ARMH3: variants seen among roughly 807,000 people sequenced by gnomAD.
ARMH3 encodes the protein armadillo-like helical domain-containing protein 3.
A neutral mutation model predicts 99.1 loss-of-function variants in ARMH3; 60 were observed. The observed-to-expected ratio is 0.61, with a 90% CI of 0.49 to 0.75. The LOEUF (loss-of-function observed/expected upper bound fraction) is 0.75, where lower values mean the gene tolerates loss of function less well. Among genes scored for constraint, ARMH3 ranks in the 30% least tolerant of loss-of-function variants. The pLI is 0.00. For synonymous variants in ARMH3, 285 were observed against 292.8 expected, an observed-to-expected ratio of 0.97 and a Z score of 0.27; for missense variants, 679 against 843.1, an observed-to-expected ratio of 0.81 and a Z score of 2.41.
chr10:102,024,264 C>A (rs1278196955), intron 6 of ARMH3, among the ~76,000 whole-genome samples: 1 of 151,894 alleles, frequency 6.6e-6, no homozygotes, highest in Non-Finnish European at 1.5e-5. Context: ...ACCTGGCCAA[C>A]ATGGTGAAAC....
rs767054746 is a variant in ARMH3 at position 102,033,038 on chromosome 10, G to A, written c.294C>T (p.Val98=). 6.2e-7 allele frequency: 1 copy of A among 1,614,050 alleles called. No homozygotes were observed. The highest frequency in any genetic ancestry group is 1.7e-5 in the Admixed American group (1 of 60,006). Residue 98 remains valine (V), a synonymous_variant, in exon 4 of 26, where the codon GTC becomes GTT. Coordinates refer to ENST00000370033, the MANE Select transcript of ARMH3 (RefSeq NM_024541.3). ...CCCAGCCTTGTACCTGCAATGCATT[G>A]ACAACCCGAATTGGATGCTCCTCTC... ...ALGEEHPIRV[V]NALQTLCALI... is the part of the protein sequence containing the mutation.
At chr10:102,009,840 C>A (rs1275864766) in intron 12 of ARMH3, 137 bp downstream of exon 12, 2 of 876,098 alleles carry the variant, frequency 2.3e-6, no homozygotes, top group East Asian at 2.5e-5. Context: ...TGTTCAAAAC[C>A]CATGAAACAT....
At chr10:102,029,865 G>T in intron 4 of ARMH3, 120 bp from the exon 5 acceptor site, 2 of 1,016,432 alleles carry the variant, frequency 2.0e-6, no homozygotes, top group Non-Finnish European at 1.4e-6. Flanking sequence ...TGAGTTCTGA[G>T]CTCCAAAACA....
intron 23 of ARMH3, among the ~76,000 whole-genome samples, chr10:101,936,337 C>G (rs780173059): frequency 7.9e-5 from 12 of 151,190 alleles, no homozygotes; most frequent in Non-Finnish European, 1.2e-4. Flanking sequence ...ACTAAAAATA[C>G]AAAAATTAGC....
intron 24 of ARMH3, among the ~76,000 whole-genome samples, chr10:101,862,161 A>G (rs1048313057): frequency 6.6e-5 from 10 of 152,188 alleles, no homozygotes; most frequent in African/African-American, 2.2e-4. Context: ...ATGGGTAAAC[A>G]GAAATTATTT....
chr10:101,951,169 T>C (rs951786330), intron 22 of ARMH3, among the ~76,000 whole-genome samples: 19 of 152,188 alleles, frequency 1.2e-4, no homozygotes, highest in African/African-American at 4.6e-4. Flanking sequence ...AATAAATAGA[T>C]ATATTTTGTC....
At chr10:101,859,136 C>T (rs568735776) in intron 24 of ARMH3, among the ~76,000 whole-genome samples, 8 of 152,320 alleles carry the variant, frequency 5.3e-5, no homozygotes, top group African/African-American at 1.7e-4. Context: ...GAAGGTTGAG[C>T]CAGTAACACT....
At chr10:102,021,720 G>C (rs1466827403) in intron 8 of ARMH3, among the ~76,000 whole-genome samples, 1 of 151,926 alleles carries the variant, frequency 6.6e-6, no homozygotes, top group African/African-American at 2.4e-5. Flanking sequence ...GCTAATTTTT[G>C]TATTTTTAGT....
intron 4 of ARMH3, 153 bp downstream of exon 4, chr10:102,032,873 C>T (rs1006261607): frequency 2.2e-5 from 17 of 788,386 alleles, no homozygotes; most frequent in African/African-American, 7.0e-5. Context: ...AGAAAGATGG[C>T]TAAACAAACG....
At chr10:101,954,802 C>T (rs930560527) in intron 22 of ARMH3, among the ~76,000 whole-genome samples, 1 of 152,058 alleles carries the variant, frequency 6.6e-6, no homozygotes, top group Non-Finnish European at 1.5e-5. Context: ...TTTCACTTTC[C>T]TATTTGTGCC....
chr10:102,003,053 A>T (rs909098576), intron 14 of ARMH3, among the ~76,000 whole-genome samples: 1 of 152,058 alleles, frequency 6.6e-6, no homozygotes, highest in Non-Finnish European at 1.5e-5. Flanking sequence ...AGTTTTACAT[A>T]CCTAGCTGAT....
chr10:102,046,030 G>A (rs187134022), intron 1 of ARMH3, among the ~76,000 whole-genome samples: 27 of 152,128 alleles, frequency 1.8e-4, no homozygotes, highest in Non-Finnish European at 3.4e-4. Flanking sequence ...AGGTGGAGGA[G>A]GTTACAGTGA....
At chr10:101,898,394 T>C (rs933737109) in intron 23 of ARMH3, among the ~76,000 whole-genome samples, 2 of 151,360 alleles carry the variant, frequency 1.3e-5, no homozygotes, top group African/African-American at 4.8e-5. Context: ...AAAGAAAATG[T>C]GGATTCCTCC....
intron 23 of ARMH3, among the ~76,000 whole-genome samples, chr10:101,902,261 G>A (rs551746656): frequency 2.6e-4 from 40 of 152,256 alleles, no homozygotes; most frequent in African/African-American, 9.6e-4. Flanking sequence ...ACTCTCACAA[G>A]GGGAAGGCTG....
At chr10:102,054,025 T>C (rs1352069475) in intron 1 of ARMH3, among the ~76,000 whole-genome samples, 1 of 152,212 alleles carries the variant, frequency 6.6e-6, no homozygotes, top group African/African-American at 2.4e-5. Flanking sequence ...ATTCCTAAAC[T>C]GTGCTCAGTG....
In ARMH3 at chr10:101,975,151, C is replaced by T; in HGVS notation, c.1495+61G>A. 2.2e-6 allele frequency: 3 copies of T among 1,387,418 alleles called. No individual in the cohort carries two copies. In the South Asian group the frequency reaches 3.8e-5, roughly 18 times the overall value. 85.9% of individuals were successfully genotyped at this position (1,387,418 alleles called of 1,614,324 possible). ...AAAAACAAAAAATCCACCTTGAGCC[C>T]AGGCCTAGGGGCTCAAAAAAGGTAT... is the stretch of plus-strand genomic sequence containing the variant. On this transcript the variant is annotated intron_variant, in intron 20 of 25. Transcript: ENST00000370033.
At chr10:102,019,738 T>C (rs907862283) in intron 8 of ARMH3, among the ~76,000 whole-genome samples, 4 of 151,538 alleles carry the variant, frequency 2.6e-5, no homozygotes, top group African/African-American at 9.7e-5. Context: ...CCATGCTGGC[T>C]AACATGGTGA....
intron 23 of ARMH3, among the ~76,000 whole-genome samples, chr10:101,915,960 C>A (rs1357839871): frequency 1.3e-5 from 2 of 152,002 alleles, no homozygotes. Flanking sequence ...CCCACCACGG[C>A]GCCTGGCTAA....
intron 1 of ARMH3, among the ~76,000 whole-genome samples, chr10:102,049,292 A>T (rs2067633263): frequency 6.6e-6 from 1 of 152,208 alleles, no homozygotes. Flanking sequence ...CTGTAATCCC[A>T]GTACTTTGGG....
Sources: gnomAD v4.1 joint callset for allele counts (sites outside exome capture counted in the v4.1 genomes callset) on GRCh38, gnomAD v4.1.1 for gene constraint, MANE v1.5 for transcripts, NCBI Gene and HGNC (gene_info 2026-07-23, HGNC 2026-07-21) for gene names.